Variants in GHR observed in about 807,000 individuals in gnomAD.
The protein encoded by GHR is growth hormone receptor, also known as GH receptor.
Under a neutral mutation model 67.1 loss-of-function variants are expected in GHR, and 35 were observed. The ratio of observed to expected loss-of-function variants is 0.52; its 90% CI spans 0.40 to 0.69. The LOEUF is 0.69. GHR is among the 30% of genes least tolerant of loss of function. The pLI, the probability that GHR is intolerant of heterozygous loss-of-function variation, is 0.00. For synonymous variants in GHR, 272 were observed against 269.1 expected, an observed-to-expected ratio of 1.01 and a Z score of -0.10; for missense variants, 792 against 764.6, an observed-to-expected ratio of 1.04 and a Z score of -0.42.
intron 1 of GHR, among the ~76,000 whole-genome samples, chr5:42,445,493 G>A (rs1425253608): frequency 6.6e-6 from 1 of 152,172 alleles, no homozygotes; most frequent in East Asian, 1.9e-4. Flanking sequence ...AATAGTCTGA[G>A]TATGTTCTGC....
intron 1 of GHR, among the ~76,000 whole-genome samples, chr5:42,519,924 C>T (rs1747402435): frequency 1.3e-5 from 2 of 152,106 alleles, no homozygotes; most frequent in South Asian, 4.1e-4. Context: ...ATTGATTTGT[C>T]CACTAAGACA....
At position 42,694,930 on chromosome 5, in the gene GHR, T is replaced by C. The variant is rs769262911; in HGVS notation, c.280T>C (p.Trp94Arg). ...LFYTRRNTQE[W>R]TQEWKECPDY... is the part of the protein sequence containing the mutation. ...CCTTCATTTTAGGAACACTCAAGAA[T>C]GGACTCAAGAATGGAAAGAATGCCC... Residue 94 changes from tryptophan (W) to arginine (R), a missense_variant, in exon 5 of 10, where the codon TGG becomes CGG. Physicochemically the swap from Trp to Arg is moderately radical, Grantham distance 101. Transcript: ENST00000230882. 3.1e-6 allele frequency: 5 copies of C among 1,609,484 alleles called. No homozygotes were observed. Among genetic ancestry groups the C allele is most frequent in the Non-Finnish European group, 4.2e-6 (5 of 1,176,680 alleles).
At chr5:42,431,693 A>G (rs909225060) in intron 1 of GHR, among the ~76,000 whole-genome samples, 2 of 152,180 alleles carry the variant, frequency 1.3e-5, no homozygotes, top group Non-Finnish European at 2.9e-5. Flanking sequence ...TAACATTATT[A>G]TATTCCCAAT....
chr5:42,673,951 T>G (rs1378773631), intron 3 of GHR, among the ~76,000 whole-genome samples: 1 of 152,198 alleles, frequency 6.6e-6, no homozygotes, highest in Non-Finnish European at 1.5e-5. Context: ...TTTAAAAGGA[T>G]AGAAACTAGT....
At chr5:42,514,422 C>A in intron 1 of GHR, 1 of 542,238 alleles carries the variant, frequency 1.8e-6, no homozygotes, top group Non-Finnish European at 2.4e-6. Flanking sequence ...ATATCTGGGG[C>A]TATTCAAACT....
chr5:42,535,902 TA>T (rs1330072374), intron 1 of GHR, among the ~76,000 whole-genome samples: 2 of 152,122 alleles, frequency 1.3e-5, no homozygotes, highest in Non-Finnish European at 2.9e-5. Context: ...CTAAGTATTT[TA>T]TTTTTTATTT....
chr5:42,621,324 C>T (rs964739808), intron 2 of GHR, among the ~76,000 whole-genome samples: 6 of 152,078 alleles, frequency 3.9e-5, no homozygotes, highest in South Asian at 4.1e-4. Flanking sequence ...GTTCCCTGGA[C>T]GTCACTACTG....
chr5:42,600,785 A>G (rs1405322284), intron 2 of GHR, among the ~76,000 whole-genome samples: 1 of 152,210 alleles, frequency 6.6e-6, no homozygotes, highest in African/African-American at 2.4e-5. Context: ...GTTTAATGTC[A>G]TGCTACGCTC....
chr5:42,666,194 T>TTTTTTTTTTTTTTTTTTTTTTTTG, intron 3 of GHR, among the ~76,000 whole-genome samples: 1 of 151,968 alleles, frequency 6.6e-6, no homozygotes, highest in Non-Finnish European at 1.5e-5. Flanking sequence ...TCTACTATCT[T>TTTTTTTTTTTTTTTTTTTTTTTTG]AACTATCACT....
intron 2 of GHR, among the ~76,000 whole-genome samples, chr5:42,620,053 GAAATTAATCTTATTTTTATTATT>G (rs1363854712): frequency 6.6e-6 from 1 of 152,132 alleles, no homozygotes; most frequent in African/African-American, 2.4e-5. Context: ...GTGAGTGGAA[GAAATTAATCTTATTTTTATTATT>G]TTTTCCCTTA....
chr5:42,610,025 A>G (rs1752814386), intron 2 of GHR, among the ~76,000 whole-genome samples: 1 of 152,178 alleles, frequency 6.6e-6, no homozygotes, highest in African/African-American at 2.4e-5. Flanking sequence ...GTCTAGAAAG[A>G]CATGAAGCAC....
At chr5:42,648,684 T>C (rs1237018681) in intron 3 of GHR, among the ~76,000 whole-genome samples, 1 of 151,046 alleles carries the variant, frequency 6.6e-6, no homozygotes, top group Non-Finnish European at 1.5e-5. Context: ...ATAGTACTAC[T>C]ACTAGTACTA....
intron 3 of GHR, among the ~76,000 whole-genome samples, chr5:42,631,960 T>C (rs1218749532): frequency 6.6e-6 from 1 of 152,124 alleles, no homozygotes. Context: ...GTTGAACAAC[T>C]TCCTACCAGT....
At chr5:42,557,347 T>C (rs553479749) in intron 1 of GHR, among the ~76,000 whole-genome samples, 1 of 152,302 alleles carries the variant, frequency 6.6e-6, no homozygotes, top group East Asian at 1.9e-4. Flanking sequence ...ATTTGCTGAT[T>C]GCTCTACCAC....
chr5:42,604,869 T>C (rs1159719720), intron 2 of GHR, among the ~76,000 whole-genome samples: 1 of 152,130 alleles, frequency 6.6e-6, no homozygotes. Context: ...TTATTTTTAA[T>C]TCTCTGTGAA....
At chr5:42,610,152 G>A (rs1402111097) in intron 2 of GHR, among the ~76,000 whole-genome samples, 7 of 152,162 alleles carry the variant, frequency 4.6e-5, no homozygotes, top group Admixed American at 3.3e-4. Flanking sequence ...ATACAGGAAT[G>A]TAAGGATAGC....
At chr5:42,590,712 G>T (rs1035196832) in intron 2 of GHR, among the ~76,000 whole-genome samples, 1 of 152,216 alleles carries the variant, frequency 6.6e-6, no homozygotes, top group African/African-American at 2.4e-5. Context: ...AGATCATCTT[G>T]ATATTAAGCA....
chr5:42,561,840 G>T (rs1369892392), intron 1 of GHR, among the ~76,000 whole-genome samples: 1 of 152,148 alleles, frequency 6.6e-6, no homozygotes, highest in Non-Finnish European at 1.5e-5. Flanking sequence ...AATATTGCAA[G>T]CTTAAAAAAC....
At chr5:42,429,822 G>A (rs1384564509) in intron 1 of GHR, among the ~76,000 whole-genome samples, 2 of 152,190 alleles carry the variant, frequency 1.3e-5, no homozygotes, top group Non-Finnish European at 2.9e-5. Context: ...GGACTATGAT[G>A]TATTTTTTTC....
Sources: allele counts gnomAD v4.1 joint callset (sites outside exome capture counted in the v4.1 genomes callset), GRCh38; gene constraint gnomAD v4.1.1; transcripts MANE v1.5; gene names NCBI Gene and HGNC (gene_info 2026-07-23, HGNC 2026-07-21).